Variants in DMD observed in about 807,000 individuals in gnomAD.
The protein encoded by DMD is mutant dystrophin.
A neutral mutation model predicts 330.1 loss-of-function variants in DMD; 63 were observed. The ratio of observed to expected loss-of-function variants is 0.19; its 90% CI spans 0.16 to 0.24. DMD has a LOEUF of 0.24. Among genes scored for constraint, DMD ranks in the 10% least tolerant of loss-of-function variants. DMD has a pLI of 1.00. For synonymous variants in DMD, 1,223 were observed against 959.8 expected (o/e 1.27, Z -5.07); for missense variants, 3,344 against 2,684.1 (o/e 1.25, Z -5.43).
chrX:32,733,715 T>G (rs1292734165), intron 7 of DMD, among the ~76,000 whole-genome samples: 6 of 109,208 alleles, frequency 5.5e-5, no homozygotes, highest in Non-Finnish European at 1.1e-4. Flanking sequence ...TTGAAACCAA[T>G]GAGAACAAAG....
chrX:32,707,392 C>A (rs1227595926), intron 7 of DMD, among the ~76,000 whole-genome samples: 1 of 112,016 alleles, frequency 8.9e-6, no homozygotes, highest in Non-Finnish European at 1.9e-5. Context: ...AGAATGGAAG[C>A]TCTGCAGTGT....
intron 52 of DMD, among the ~76,000 whole-genome samples, chrX:31,714,809 C>T (rs974385013): frequency 9.0e-6 from 1 of 111,714 alleles, no homozygotes; most frequent in South Asian, 3.7e-4. Context: ...AATTAAGGAA[C>T]TCCGAAGTGC....
chrX:31,362,609 G>A (rs192103387), intron 60 of DMD, among the ~76,000 whole-genome samples: 1 of 112,535 alleles, frequency 8.9e-6, no homozygotes, highest in Non-Finnish European at 1.9e-5. Context: ...GATCTAACCT[G>A]GCCCTAACAT....
At chrX:32,955,010 C>T in intron 2 of DMD, among the ~76,000 whole-genome samples, 1 of 111,801 alleles carries the variant, frequency 8.9e-6, no homozygotes, top group Non-Finnish European at 1.9e-5. Context: ...CATACGTGTG[C>T]ATGTGCCTTT....
chrX:33,198,572 T>G (rs1212541909), intron 1 of DMD, among the ~76,000 whole-genome samples: 1 of 111,584 alleles, frequency 9.0e-6, no homozygotes, highest in Non-Finnish European at 1.9e-5. Flanking sequence ...TTATAACATA[T>G]TATATGTAAA....
intron 51 of DMD, among the ~76,000 whole-genome samples, chrX:31,754,135 A>G (rs1412702019): frequency 8.9e-6 from 1 of 111,743 alleles, no homozygotes; most frequent in Non-Finnish European, 1.9e-5. Flanking sequence ...TTAAAATAAA[A>G]TTTTATACTG....
chrX:32,469,837 C>A (rs2040431698), intron 22 of DMD, among the ~76,000 whole-genome samples: 1 of 111,201 alleles, frequency 9.0e-6, no homozygotes, highest in Non-Finnish European at 1.9e-5. Flanking sequence ...ATCTACCTAC[C>A]TATCTAATCC....
intron 43 of DMD, among the ~76,000 whole-genome samples, chrX:32,246,985 C>A (rs1462823203): frequency 9.0e-6 from 1 of 111,246 alleles, no homozygotes; most frequent in Admixed American, 9.6e-5. Context: ...ATGGCCAGGA[C>A]CCACCCCAGA....
intron 67 of DMD, among the ~76,000 whole-genome samples, chrX:31,203,432 G>C (rs1238926315): frequency 1.8e-5 from 2 of 110,493 alleles, no homozygotes; most frequent in Non-Finnish European, 3.8e-5. Flanking sequence ...GGATAGGAAA[G>C]AGAACGGACA....
At chrX:33,089,422 T>A (rs2095055640) in intron 1 of DMD, among the ~76,000 whole-genome samples, 1 of 110,528 alleles carries the variant, frequency 9.0e-6, no homozygotes, top group African/African-American at 3.3e-5. Context: ...ACCCAGGAAT[T>A]GTGTCTCACG....
chrX:32,250,470 G>A (rs2097259065), intron 43 of DMD, among the ~76,000 whole-genome samples: 1 of 111,531 alleles, frequency 9.0e-6, no homozygotes, highest in Admixed American at 9.6e-5. Context: ...AGTTTAGCAG[G>A]TTTTATTTTT....
chrX:31,381,951 C>T (rs1173394441), intron 60 of DMD, among the ~76,000 whole-genome samples: 1 of 111,665 alleles, frequency 9.0e-6, no homozygotes, highest in African/African-American at 3.3e-5. Context: ...ACTAAACATG[C>T]CCCGAGTCAA....
At chrX:32,449,398 C>T (rs775777108) in intron 26 of DMD, among the ~76,000 whole-genome samples, 1 of 110,149 alleles carries the variant, frequency 9.1e-6, no homozygotes, top group South Asian at 3.9e-4. Context: ...ACTCTCCTAT[C>T]CTGGTTAATA....
intron 9 of DMD, among the ~76,000 whole-genome samples, chrX:32,654,843 T>A (rs1442665630): frequency 1.8e-5 from 2 of 111,597 alleles, no homozygotes; most frequent in African/African-American, 6.5e-5. Context: ...GTTATTGGTC[T>A]ATTCAGGGAT....
chrX:31,948,235 T>C (rs1452337953), intron 45 of DMD, among the ~76,000 whole-genome samples: 1 of 111,891 alleles, frequency 8.9e-6, no homozygotes, highest in Non-Finnish European at 1.9e-5. Flanking sequence ...ATTCCCTGTA[T>C]GAATACACCA....
At chrX:32,727,528 G>C (rs1357043614) in intron 7 of DMD, among the ~76,000 whole-genome samples, 1 of 109,956 alleles carries the variant, frequency 9.1e-6, no homozygotes, top group African/African-American at 3.3e-5. Context: ...TGCTTGCATT[G>C]ATATTATTGG....
chrX:31,867,151 A>G (rs1176216484), intron 48 of DMD, among the ~76,000 whole-genome samples: 1 of 108,035 alleles, frequency 9.3e-6, no homozygotes, highest in Admixed American at 9.9e-5. Context: ...CGGTCAAACT[A>G]ATTAACATTT....
intron 17 of DMD, among the ~76,000 whole-genome samples, chrX:32,542,417 G>A (rs2048572087): frequency 8.9e-6 from 1 of 111,861 alleles, no homozygotes; most frequent in African/African-American, 3.3e-5. Context: ...GGGTGACAGA[G>A]CAAGACACTG....
chrX:32,034,879 C>A (rs954329765), intron 44 of DMD, among the ~76,000 whole-genome samples: 1 of 101,459 alleles, frequency 9.9e-6, no homozygotes, highest in South Asian at 3.7e-4. Flanking sequence ...TATTTAACAT[C>A]CTTAAATACT....
Sources: gnomAD v4.1 joint callset for allele counts (sites outside exome capture counted in the v4.1 genomes callset) on GRCh38, gnomAD v4.1.1 for gene constraint, MANE v1.5 for transcripts, NCBI Gene and HGNC (gene_info 2026-07-23, HGNC 2026-07-21) for gene names.